The following AHI1 variants were observed in gnomAD, a reference collection of about 807,000 sequenced individuals.
The protein encoded by AHI1 is jouberin.
A neutral mutation model predicts 149.3 loss-of-function variants in AHI1; 123 were observed. The observed-to-expected ratio is 0.82, with a 90% CI of 0.71 to 0.96. AHI1 has a LOEUF of 0.96. Among genes scored for constraint, AHI1 ranks in the 40% least tolerant of loss-of-function variants. AHI1 has a pLI of 0.00. For synonymous variants in AHI1, 475 were observed against 459.8 expected, an observed-to-expected ratio of 1.03 and a Z score of -0.42; for missense variants, 1,439 against 1,422.7, an observed-to-expected ratio of 1.01 and a Z score of -0.18.
At chr6:135,331,286 C>T (rs1462892640) in intron 24 of AHI1, among the ~76,000 whole-genome samples, 2 of 152,166 alleles carry the variant, frequency 1.3e-5, no homozygotes, top group South Asian at 2.1e-4. Flanking sequence ...ACAAAATCCA[C>T]GTGGTCAAAT....
intron 5 of AHI1, among the ~76,000 whole-genome samples, chr6:135,488,904 C>T (rs1794857119): frequency 6.6e-6 from 1 of 152,052 alleles, no homozygotes; most frequent in Admixed American, 6.6e-5. Context: ...CTGGTTCTAC[C>T]ATTTACTATG....
In AHI1 at chr6:135,491,722, G is replaced by C. The variant is rs1795277034; in HGVS notation, c.10+506C>G. ...ATGCTGAATGAATGGGTGCTCTAGAGCAAGTGTCGGCAAACTATGGCCTGC... is the reference window on the plus strand; with the variant it reads ...ATGCTGAATGAATGGGTGCTCTAGACCAAGTGTCGGCAAACTATGGCCTGC... On this transcript the variant is annotated intron_variant, in intron 4 of 28. Coordinates refer to ENST00000265602, the MANE Select transcript of AHI1 (RefSeq NM_001134831.2). Among the ~76,000 whole-genome samples, 3 of 152,198 alleles carry C rather than the reference G, an allele frequency of 2.0e-5. No individual in the cohort carries two copies. The South Asian group carries it at 6.2e-4, about 31-fold the overall frequency.
intron 3 of AHI1, among the ~76,000 whole-genome samples, chr6:135,494,660 A>G (rs1347297778): frequency 6.6e-6 from 1 of 152,202 alleles, no homozygotes; most frequent in Non-Finnish European, 1.5e-5. Flanking sequence ...GTATATAATC[A>G]TATTATGTTT....
intron 26 of AHI1, among the ~76,000 whole-genome samples, chr6:135,312,624 G>C (rs762840546): frequency 6.6e-6 from 1 of 152,184 alleles, no homozygotes; most frequent in Non-Finnish European, 1.5e-5. Flanking sequence ...GTGTGATACA[G>C]AACCTGGCTA....
At position 135,413,767 on chromosome 6, in the gene AHI1, T is replaced by C. The variant is rs550016694; in HGVS notation, c.2765-2223A>G. On this transcript the variant is annotated intron_variant, in intron 20 of 28. Transcript: ENST00000265602. ...AAAAAAAATGCCATTTACTATGGCATAAAAAAAGTGACATACTTTGGGGAA... is the reference window on the plus strand; with the variant it reads ...AAAAAAAATGCCATTTACTATGGCACAAAAAAAGTGACATACTTTGGGGAA... Among the ~76,000 whole-genome samples the C allele has an allele frequency of 3.4e-4, 51 of 151,580 alleles. 1 individual carries two copies. In the South Asian group the frequency reaches 0.01, roughly 31 times the overall value.
intron 5 of AHI1, among the ~76,000 whole-genome samples, chr6:135,480,139 C>T (rs1361411279): frequency 2.0e-5 from 3 of 152,102 alleles, no homozygotes; most frequent in East Asian, 1.9e-4. Context: ...AATTTTCTAC[C>T]ATTAAATAAT....
chr6:135,380,276 C>A (rs1286399698), intron 23 of AHI1, among the ~76,000 whole-genome samples: 2 of 151,994 alleles, frequency 1.3e-5, no homozygotes, highest in African/African-American at 2.4e-5. Flanking sequence ...AGAAATGCAT[C>A]TGTAATGAAC....
chr6:135,462,674 G>A (rs1483785793), intron 8 of AHI1, among the ~76,000 whole-genome samples: 2 of 152,160 alleles, frequency 1.3e-5, no homozygotes, highest in Non-Finnish European at 2.9e-5. Context: ...GCTGAGGCAG[G>A]TGGATCACTT....
chr6:135,395,666 C>T (rs1583015288), intron 22 of AHI1, among the ~76,000 whole-genome samples: 1 of 151,410 alleles, frequency 6.6e-6, no homozygotes, highest in Admixed American at 6.6e-5. Context: ...GAAAAAAAAT[C>T]TATCTTTTTT....
At chr6:135,324,778 G>A (rs1466549106) in intron 24 of AHI1, among the ~76,000 whole-genome samples, 1 of 151,876 alleles carries the variant, frequency 6.6e-6, no homozygotes, top group Non-Finnish European at 1.5e-5. Context: ...GGCACAGAAA[G>A]GTTTTAACCA....
intron 26 of AHI1, among the ~76,000 whole-genome samples, chr6:135,309,842 G>C (rs938320592): frequency 6.6e-6 from 1 of 152,022 alleles, no homozygotes; most frequent in Non-Finnish European, 1.5e-5. Flanking sequence ...CACTATCCTT[G>C]ATATATACAA....
chr6:135,457,272 G>A (rs1421827528), intron 9 of AHI1, among the ~76,000 whole-genome samples: 1 of 152,144 alleles, frequency 6.6e-6, no homozygotes, highest in Non-Finnish European at 1.5e-5. Context: ...GACAAAGCGA[G>A]ACTCCATCTC....
At chr6:135,309,701 C>T (rs1001989833) in intron 26 of AHI1, among the ~76,000 whole-genome samples, 2 of 151,992 alleles carry the variant, frequency 1.3e-5, no homozygotes, top group East Asian at 1.9e-4. Context: ...AGGCTGGTCT[C>T]GAACTCCCGA....
At chr6:135,376,609 C>T (rs2143794) in intron 23 of AHI1, among the ~76,000 whole-genome samples, 4,849 of 151,988 alleles carry the variant, frequency 0.032, 250 homozygotes, top group African/African-American at 0.11. Context: ...GAAGGCCGGG[C>T]GCAGTGGCTC....
At chr6:135,326,668 C>T (rs901597474) in intron 24 of AHI1, among the ~76,000 whole-genome samples, 10 of 152,036 alleles carry the variant, frequency 6.6e-5, no homozygotes, top group Admixed American at 5.2e-4. Context: ...TCAAGCTATT[C>T]TCCTGCCTTG....
intron 15 of AHI1, among the ~76,000 whole-genome samples, chr6:135,435,522 G>C (rs1213043206): frequency 6.6e-6 from 1 of 152,146 alleles, no homozygotes; most frequent in Non-Finnish European, 1.5e-5. Context: ...TGCCAAAGAA[G>C]ATAAGATGCT....
intron 24 of AHI1, among the ~76,000 whole-genome samples, chr6:135,337,235 T>C (rs574498928): frequency 1.3e-5 from 2 of 152,298 alleles, no homozygotes; most frequent in African/African-American, 4.8e-5. Flanking sequence ...CAAAGTACTT[T>C]TCTTCATACT....
rs777207815 is a variant in AHI1 at position 135,300,524 on chromosome 6, C to T, written c.3461G>A (p.Arg1154Lys). The change falls in exon 27 of 29, where the codon AGA (arginine) becomes AAA (lysine). Residue 1154 changes from arginine to lysine, a missense_variant. Transcript: ENST00000265602. ...SINKNKSQDF[R>K]LGSESMTHSE... is the part of the protein sequence containing the mutation. ...CTGTGTCATAGATTCTGAGCCTAGT[C>T]TGAAGTCCTGGGACTTGTTCTTATT... 3.1e-6 allele frequency: 5 copies of T among 1,608,846 alleles called. No individual in the cohort carries two copies. The highest frequency in any genetic ancestry group is 4.2e-6 in the Non-Finnish European group (5 of 1,177,582).
At chr6:135,340,871 G>A (rs1435210717) in intron 24 of AHI1, among the ~76,000 whole-genome samples, 1 of 151,008 alleles carries the variant, frequency 6.6e-6, no homozygotes, top group African/African-American at 2.4e-5. Flanking sequence ...ATATACTACT[G>A]AAATTAACTT....
Sources: gnomAD v4.1 joint callset for allele counts (sites outside exome capture counted in the v4.1 genomes callset) on GRCh38, gnomAD v4.1.1 for gene constraint, MANE v1.5 for transcripts, NCBI Gene and HGNC (gene_info 2026-07-23, HGNC 2026-07-21) for gene names.